Variants in CTNNA2 observed in about 807,000 individuals in gnomAD.
The protein encoded by CTNNA2 is catenin alpha 2, also known as catenin alpha-2.
CTNNA2 carries 42 observed loss-of-function variants against 101.0 expected under a neutral mutation model. The ratio of observed to expected loss-of-function variants is 0.42; its 90% CI spans 0.32 to 0.54. CTNNA2 has a LOEUF of 0.54. CTNNA2 is among the 20% of genes least tolerant of loss of function. CTNNA2 has a pLI of 0.14. For missense variants in CTNNA2, 871 were observed against 1,223.1 expected, an observed-to-expected ratio of 0.71 and a Z score of 4.29; for synonymous variants, 450 against 456.4, an observed-to-expected ratio of 0.99 and a Z score of 0.18.
intron 3 of CTNNA2, among the ~76,000 whole-genome samples, chr2:79,813,971 G>C (rs1357098840): frequency 2.0e-5 from 3 of 152,092 alleles, no homozygotes; most frequent in Admixed American, 2.0e-4. Context: ...TTGGCTCCTT[G>C]TGGTGGCTGT....
At chr2:80,416,227 A>T (rs1263098784) in intron 8 of CTNNA2, among the ~76,000 whole-genome samples, 2 of 152,192 alleles carry the variant, frequency 1.3e-5, no homozygotes, top group Non-Finnish European at 2.9e-5. Flanking sequence ...AAGAAAAAAA[A>T]AGGTAGCTAT....
At chr2:79,194,967 A>G (rs1673939831) in intron 1 of CTNNA2, among the ~76,000 whole-genome samples, 1 of 151,798 alleles carries the variant, frequency 6.6e-6, no homozygotes, top group South Asian at 2.1e-4. Context: ...GTTCTTTTGG[A>G]TTTTCCAAGC....
chr2:79,620,255 A>G (rs1186811029), intron 1 of CTNNA2, among the ~76,000 whole-genome samples: 2 of 152,184 alleles, frequency 1.3e-5, no homozygotes, highest in Non-Finnish European at 2.9e-5. Flanking sequence ...CCTTCCCTGT[A>G]CATTCGCCTG....
intron 1 of CTNNA2, among the ~76,000 whole-genome samples, chr2:79,635,235 T>C (rs529641071): frequency 6.6e-6 from 1 of 151,982 alleles, no homozygotes; most frequent in Non-Finnish European, 1.5e-5. Flanking sequence ...TTCGAGACCA[T>C]CCCGGCTAAC....
At chr2:80,082,384 A>G (rs1699205494) in intron 7 of CTNNA2, among the ~76,000 whole-genome samples, 1 of 152,144 alleles carries the variant, frequency 6.6e-6, no homozygotes, top group African/African-American at 2.4e-5. Context: ...TGTACCTCAT[A>G]ATGTTTTGTT....
intron 7 of CTNNA2, among the ~76,000 whole-genome samples, chr2:80,031,216 G>A (rs1018772353): frequency 1.3e-5 from 2 of 152,294 alleles, no homozygotes; most frequent in East Asian, 1.9e-4. Context: ...ATATATCAGT[G>A]TAGAAAAGTA....
At chr2:80,457,063 T>C (rs955575816) in intron 9 of CTNNA2, among the ~76,000 whole-genome samples, 10 of 152,116 alleles carry the variant, frequency 6.6e-5, no homozygotes, top group Middle Eastern at 3.2e-3. Context: ...TTGATCATTA[T>C]ACATTTTTTT....
intron 2 of CTNNA2, among the ~76,000 whole-genome samples, chr2:79,706,305 G>A (rs1195031439): frequency 1.4e-5 from 2 of 145,894 alleles, no homozygotes; most frequent in African/African-American, 5.1e-5. Context: ...GGAGCTTGCA[G>A]TGAGCCGAGA....
chr2:79,434,730 C>A (rs1678695314), intron 4 of CTNNA2, among the ~76,000 whole-genome samples: 1 of 152,156 alleles, frequency 6.6e-6, no homozygotes, highest in African/African-American at 2.4e-5. Flanking sequence ...CTCTAGTGAG[C>A]ACCAGAATAC....
At chr2:80,461,193 A>G (rs1559129169) in intron 9 of CTNNA2, among the ~76,000 whole-genome samples, 1 of 152,150 alleles carries the variant, frequency 6.6e-6, no homozygotes, top group Non-Finnish European at 1.5e-5. Flanking sequence ...CTGTTAAGTC[A>G]GTTTAGTAAG....
At chr2:79,427,166 A>G (rs1228616895) in intron 4 of CTNNA2, among the ~76,000 whole-genome samples, 1 of 152,088 alleles carries the variant, frequency 6.6e-6, no homozygotes, top group African/African-American at 2.4e-5. Context: ...ACACAATGTC[A>G]TATCATGAAA....
At chr2:80,230,703 C>A (rs899305494) in intron 7 of CTNNA2, among the ~76,000 whole-genome samples, 2 of 152,166 alleles carry the variant, frequency 1.3e-5, no homozygotes, top group Non-Finnish European at 2.9e-5. Flanking sequence ...GGAACCACTG[C>A]AGCTATTTTG....
intron 3 of CTNNA2, among the ~76,000 whole-genome samples, chr2:79,340,641 G>A (rs1451349594): frequency 6.6e-6 from 1 of 152,070 alleles, no homozygotes; most frequent in Non-Finnish European, 1.5e-5. Flanking sequence ...AGACCGTCCT[G>A]GCTAACACGG....
chr2:79,432,022 C>T (rs1194450589), intron 4 of CTNNA2, among the ~76,000 whole-genome samples: 2 of 152,182 alleles, frequency 1.3e-5, no homozygotes, highest in Non-Finnish European at 2.9e-5. Context: ...TTATAGGTGA[C>T]TTCCAACATG....
intron 6 of CTNNA2, among the ~76,000 whole-genome samples, chr2:79,903,591 G>A (rs915103295): frequency 6.6e-6 from 1 of 152,092 alleles, no homozygotes. Context: ...AAGGTAGATG[G>A]GATTTTATGT....
At chr2:79,484,022 C>T (rs1258601838) in intron 4 of CTNNA2, among the ~76,000 whole-genome samples, 1 of 152,100 alleles carries the variant, frequency 6.6e-6, no homozygotes, top group Non-Finnish European at 1.5e-5. Context: ...GCAGGCAGAA[C>T]ACTTGATCCC....
intron 3 of CTNNA2, among the ~76,000 whole-genome samples, chr2:79,348,081 G>A (rs1414821227): frequency 1.3e-5 from 2 of 152,044 alleles, no homozygotes; most frequent in Non-Finnish European, 2.9e-5. Context: ...CCTTTAAAGA[G>A]CATAAAATGT....
At chr2:80,059,416 T>C (rs1182681819) in intron 7 of CTNNA2, among the ~76,000 whole-genome samples, 2 of 152,246 alleles carry the variant, frequency 1.3e-5, no homozygotes, top group African/African-American at 4.8e-5. Flanking sequence ...ACTCTGCCTT[T>C]GCAAGGAATT....
At chr2:80,300,861 A>T (rs976687024) in intron 7 of CTNNA2, among the ~76,000 whole-genome samples, 45 of 148,872 alleles carry the variant, frequency 3.0e-4, no homozygotes, top group African/African-American at 1.0e-3. Flanking sequence ...CCACCTCCTC[A>T]CTCTTTAGTT....
Sources: allele counts gnomAD v4.1 joint callset (sites outside exome capture counted in the v4.1 genomes callset), GRCh38; gene constraint gnomAD v4.1.1; transcripts MANE v1.5; gene names NCBI Gene and HGNC (gene_info 2026-07-23, HGNC 2026-07-21).